Variants in IL17REL observed in about 807,000 individuals in gnomAD.
The protein encoded by IL17REL is interleukin-17 receptor E-like protein.
A neutral mutation model predicts 49.0 loss-of-function variants in IL17REL; 36 were observed. The ratio of observed to expected loss-of-function variants is 0.73; its 90% CI spans 0.56 to 0.97. The LOEUF (loss-of-function observed/expected upper bound fraction) is 0.97, where lower values mean the gene tolerates loss of function less well. Ranked by LOEUF, IL17REL falls within the 50% of genes least tolerant of loss-of-function variation. The pLI is 0.00. For missense variants in IL17REL, 470 were observed against 453.9 expected (o/e 1.04, Z -0.32); for synonymous variants, 206 against 192.4 (o/e 1.07, Z -0.58).
At chr22:50,000,646 C>G (rs2061072652) in intron 3 of IL17REL, 54 bp from the exon 5 acceptor site, 2 of 1,562,390 alleles carry the variant, frequency 1.3e-6, no homozygotes, top group South Asian at 2.2e-5. Context: ...CCCACCCCAC[C>G]CGGCCAGCTC....
At chr22:49,994,240 C>T (rs1312978357), downstream of IL17REL, among the ~76,000 whole-genome samples, 1 of 152,130 alleles carries the variant, frequency 6.6e-6, no homozygotes, top group African/African-American at 2.4e-5. Flanking sequence ...GCCTGACCTC[C>T]GCATCCCCAG....
intron 1 of IL17REL, among the ~76,000 whole-genome samples, chr22:50,007,048 A>G (rs2146758703): frequency 6.6e-6 from 1 of 152,226 alleles, no homozygotes; most frequent in South Asian, 2.1e-4. Flanking sequence ...TTCAATACCT[A>G]TTCATGATGA....
At chr22:50,004,717 C>G (rs1324606839) in intron 1 of IL17REL, among the ~76,000 whole-genome samples, 1 of 151,094 alleles carries the variant, frequency 6.6e-6, no homozygotes, top group Non-Finnish European at 1.5e-5. Context: ...AAAAATTTGC[C>G]AGGTGTGGTG....
At chr22:50,003,437 C>T (rs2061089756) in intron 1 of IL17REL, among the ~76,000 whole-genome samples, 2 of 146,040 alleles carry the variant, frequency 1.4e-5, no homozygotes, top group African/African-American at 5.1e-5. Context: ...AGGAGAATCG[C>T]TTGAACCCAG....
chr22:49,998,856 TG>T (rs2061055221), intron 7 of IL17REL, among the ~76,000 whole-genome samples: 1 of 152,036 alleles, frequency 6.6e-6, no homozygotes, highest in African/African-American at 2.4e-5. Context: ...TGCATGTGTA[TG>T]GGCGTGTATG....
At chr22:50,003,519 CAAAAAAA>C (rs142337526) in intron 1 of IL17REL, among the ~76,000 whole-genome samples, 185 of 39,092 alleles carry the variant, frequency 4.7e-3, no homozygotes, top group African/African-American at 0.016. Context: ...GACTCCATCT[CAAAAAAA>C]AAAAAAAAAA....
chr22:50,005,445 T>C (rs2061103796), intron 1 of IL17REL, among the ~76,000 whole-genome samples: 1 of 152,046 alleles, frequency 6.6e-6, no homozygotes, highest in Non-Finnish European at 1.5e-5. Flanking sequence ...GAAAACACGA[T>C]GGGGAATTGG....
intron 5 of IL17REL, 24 bp downstream of exon 7, chr22:49,999,804 G>T: frequency 2.7e-6 from 4 of 1,478,128 alleles, no homozygotes; most frequent in Non-Finnish European, 3.6e-6. Context: ...AAGGCTGACC[G>T]GGGCCCGGGG....
At chr22:50,011,453 C>T (rs2061141024), upstream of IL17REL, among the ~76,000 whole-genome samples, 1 of 152,054 alleles carries the variant, frequency 6.6e-6, no homozygotes, top group Non-Finnish European at 1.5e-5. Flanking sequence ...AGCTTTCCAG[C>T]TTGCACTTCA....
exon 13 of IL17REL, chr22:49,996,833 C>G: frequency 3.7e-6 from 2 of 543,094 alleles, no homozygotes; most frequent in Non-Finnish European, 3.3e-6. Flanking sequence ...TGCTGGGGGA[C>G]GGAGAAGTGT....
At chr22:50,002,677 T>G (rs997347750) in intron 1 of IL17REL, among the ~76,000 whole-genome samples, 5 of 151,910 alleles carry the variant, frequency 3.3e-5, no homozygotes, top group Non-Finnish European at 7.4e-5. Flanking sequence ...GTATTTTTAA[T>G]AGAGACAAGG....
At chr22:49,992,793 T>A (rs909225157), downstream of IL17REL, among the ~76,000 whole-genome samples, 1 of 152,100 alleles carries the variant, frequency 6.6e-6, no homozygotes, top group African/African-American at 2.4e-5. Context: ...AATTTTTGTA[T>A]TTTTAGTAGA....
chr22:49,993,444 G>A (rs1057105076), downstream of IL17REL, among the ~76,000 whole-genome samples: 8 of 152,152 alleles, frequency 5.3e-5, no homozygotes, highest in South Asian at 2.1e-4. This position sits in a 1 kb window ranked among gnomAD's most constrained non-coding sequence, Gnocchi z 6.0. Context: ...GGAGGGCAGC[G>A]TCCCTGGCCA....
At chr22:50,006,494 C>A (rs147400246) in intron 1 of IL17REL, among the ~76,000 whole-genome samples, 26 of 152,102 alleles carry the variant, frequency 1.7e-4, no homozygotes, top group Non-Finnish European at 3.7e-4. Flanking sequence ...AGGGTGGGCC[C>A]AGGTGTCCTC....
intron 1 of IL17REL, among the ~76,000 whole-genome samples, chr22:50,003,267 A>G (rs1274603118): frequency 6.6e-6 from 1 of 152,180 alleles, no homozygotes; most frequent in Non-Finnish European, 1.5e-5. Flanking sequence ...CATGCCTGTA[A>G]TCCCAGCACT....
At chr22:49,998,769 G>A (rs1458509002) in intron 7 of IL17REL, among the ~76,000 whole-genome samples, 1 of 151,138 alleles carries the variant, frequency 6.6e-6, no homozygotes, top group South Asian at 2.1e-4. Flanking sequence ...GCATGGGTGC[G>A]TGTCCATGGG....
chr22:50,000,426 A>G, intron 4 of IL17REL, 52 bp downstream of exon 5: 1 of 1,389,134 alleles, frequency 7.2e-7, no homozygotes, highest in South Asian at 1.2e-5. Context: ...ACCCCAAGCC[A>G]GGCCCTGGAG....
At chr22:50,006,689 C>T (rs994255549) in intron 1 of IL17REL, among the ~76,000 whole-genome samples, 3 of 152,100 alleles carry the variant, frequency 2.0e-5, no homozygotes, top group Non-Finnish European at 1.5e-5. Context: ...CGCAGTGGCT[C>T]ACGCCTGTAA....
At chr22:50,006,269 C>T (rs2061110101) in intron 1 of IL17REL, among the ~76,000 whole-genome samples, 1 of 152,108 alleles carries the variant, frequency 6.6e-6, no homozygotes, top group Admixed American at 6.6e-5. Context: ...CAACCCAGTA[C>T]AGATTCACAG....
Sources: allele counts gnomAD v4.1 joint callset (sites outside exome capture counted in the v4.1 genomes callset), GRCh38; gene constraint gnomAD v4.1.1; non-coding constraint Gnocchi (gnomAD v3.1); transcripts MANE v1.5; gene names NCBI Gene and HGNC (gene_info 2026-07-23, HGNC 2026-07-21).